PTK2: variants seen among roughly 807,000 people sequenced by gnomAD.
The protein encoded by PTK2 is protein tyrosine kinase 2.
In PTK2, 45 loss-of-function variants were observed where a neutral mutation model predicts 150.1. The observed-to-expected ratio is 0.30, with a 90% CI of 0.24 to 0.38. The LOEUF is 0.38. Ranked by LOEUF, PTK2 falls within the 10% of genes least tolerant of loss-of-function variation. PTK2 has a pLI of 1.00. For missense variants in PTK2, 919 were observed against 1,307.3 expected (o/e 0.70, Z 4.58); for synonymous variants, 432 against 449.2 (o/e 0.96, Z 0.48).
intron 2 of PTK2, among the ~76,000 whole-genome samples, chr8:140,894,630 G>A (rs2100155432): frequency 6.6e-6 from 1 of 152,150 alleles, no homozygotes; most frequent in South Asian, 2.1e-4. Flanking sequence ...AACCCAAAGT[G>A]CAAATCACGG....
chr8:140,969,401 C>G, intron 1 of PTK2, among the ~76,000 whole-genome samples: 1 of 152,136 alleles, frequency 6.6e-6, no homozygotes, highest in Admixed American at 6.6e-5. Flanking sequence ...AATATACTTG[C>G]TATCACTAAT....
At chr8:140,999,095 CTTT>C (rs775200884) in intron 1 of PTK2, among the ~76,000 whole-genome samples, 26 of 152,276 alleles carry the variant, frequency 1.7e-4, no homozygotes, top group Non-Finnish European at 3.2e-4. Context: ...AATAATAAGG[CTTT>C]TTAAGTCCCA....
chr8:140,867,520 T>C (rs1002959673), intron 4 of PTK2, among the ~76,000 whole-genome samples: 5 of 152,204 alleles, frequency 3.3e-5, no homozygotes, highest in Admixed American at 6.5e-5. Context: ...TATGTGAAGT[T>C]AGACAAGGCC....
chr8:140,690,494 C>T (rs751072017), intron 26 of PTK2, among the ~76,000 whole-genome samples: 1 of 152,136 alleles, frequency 6.6e-6, no homozygotes, highest in Non-Finnish European at 1.5e-5. Context: ...TTAATAGTTA[C>T]ATGATTTTGG....
chr8:140,772,758 CA>C (rs1410779692), intron 14 of PTK2, among the ~76,000 whole-genome samples: 2 of 152,120 alleles, frequency 1.3e-5, no homozygotes, highest in East Asian at 1.9e-4. Context: ...GCAAGTGAGC[CA>C]AAATATAAAT....
At chr8:140,972,865 C>G (rs945624551) in intron 1 of PTK2, among the ~76,000 whole-genome samples, 1 of 152,178 alleles carries the variant, frequency 6.6e-6, no homozygotes, top group African/African-American at 2.4e-5. Flanking sequence ...AAATTTCACC[C>G]TATGGATTTT....
intron 27 of PTK2, among the ~76,000 whole-genome samples, chr8:140,680,002 G>GTGCATAAATGGGGGCACT (rs1564205580): frequency 6.6e-6 from 1 of 152,170 alleles, no homozygotes; most frequent in Non-Finnish European, 1.5e-5. Context: ...CTGGCTACCG[G>GTGCATAAATGGGGGCACT]TGCATAAATG....
At chr8:140,757,927 C>T (rs370863749) in intron 16 of PTK2, among the ~76,000 whole-genome samples, 5 of 151,936 alleles carry the variant, frequency 3.3e-5, no homozygotes, top group East Asian at 3.9e-4. Flanking sequence ...ACAAATTTAC[C>T]GTACTGCCAG....
At chr8:140,842,867 G>A (rs562175411) in intron 7 of PTK2, among the ~76,000 whole-genome samples, 1 of 152,158 alleles carries the variant, frequency 6.6e-6, no homozygotes, top group African/African-American at 2.4e-5. Flanking sequence ...TAACTAAGAT[G>A]AAACAGCCAT....
chr8:140,877,190 G>T (rs1275582055), intron 4 of PTK2, among the ~76,000 whole-genome samples: 1 of 151,510 alleles, frequency 6.6e-6, no homozygotes, highest in Non-Finnish European at 1.5e-5. Flanking sequence ...CCGCCACCAC[G>T]CCTGGCTAAT....
intron 14 of PTK2, among the ~76,000 whole-genome samples, chr8:140,765,779 A>G (rs1016598150): frequency 1.6e-4 from 24 of 152,172 alleles, no homozygotes; most frequent in African/African-American, 5.1e-4. Flanking sequence ...ACACCCTGTG[A>G]AAGAAAATTT....
chr8:140,979,901 C>T (rs1438580669), intron 1 of PTK2, among the ~76,000 whole-genome samples: 2 of 152,226 alleles, frequency 1.3e-5, no homozygotes, highest in African/African-American at 4.8e-5. Flanking sequence ...AATTAAATCT[C>T]TTTCCTTTCT....
intron 16 of PTK2, among the ~76,000 whole-genome samples, chr8:140,757,313 C>T (rs2100066411): frequency 6.6e-6 from 1 of 152,106 alleles, no homozygotes. Flanking sequence ...GCATCCATTG[C>T]TCCTTCTACT....
intron 14 of PTK2, among the ~76,000 whole-genome samples, chr8:140,788,434 G>C (rs1038934953): frequency 6.6e-6 from 1 of 152,092 alleles, no homozygotes; most frequent in Non-Finnish European, 1.5e-5. Context: ...TATAATTCCT[G>C]GCACTTTGGG....
At chr8:140,806,716 G>A (rs748488064) in intron 10 of PTK2, among the ~76,000 whole-genome samples, 4 of 152,134 alleles carry the variant, frequency 2.6e-5, no homozygotes, top group African/African-American at 4.8e-5. Flanking sequence ...AAGTAGGTGC[G>A]TCTGACTAGA....
intron 4 of PTK2, among the ~76,000 whole-genome samples, chr8:140,878,028 A>G (rs1195058870): frequency 6.6e-6 from 1 of 152,198 alleles, no homozygotes; most frequent in Non-Finnish European, 1.5e-5. Flanking sequence ...GACCAGCCCA[A>G]GCAACACAGC....
chr8:140,894,955 C>T (rs991138742), intron 2 of PTK2, among the ~76,000 whole-genome samples: 1 of 152,188 alleles, frequency 6.6e-6, no homozygotes, highest in Non-Finnish European at 1.5e-5. Context: ...TTTGCAAGCA[C>T]ACAAGAAATA....
At chr8:140,736,299 C>G (rs2100052551) in intron 21 of PTK2, among the ~76,000 whole-genome samples, 1 of 152,182 alleles carries the variant, frequency 6.6e-6, no homozygotes, top group Non-Finnish European at 1.5e-5. Flanking sequence ...CATGTTCTCA[C>G]TTGTAAGTGG....
At chr8:140,876,621 C>T (rs1218208500) in intron 4 of PTK2, among the ~76,000 whole-genome samples, 2 of 152,072 alleles carry the variant, frequency 1.3e-5, no homozygotes, top group Non-Finnish European at 2.9e-5. Flanking sequence ...ATTATCTCCT[C>T]CTCTTCTCCA....
Sources: allele counts gnomAD v4.1 joint callset (sites outside exome capture counted in the v4.1 genomes callset), GRCh38; gene constraint gnomAD v4.1.1; transcripts MANE v1.5; gene names NCBI Gene and HGNC (gene_info 2026-07-23, HGNC 2026-07-21).